Variants in RASEF observed in about 807,000 individuals in gnomAD.
RASEF encodes ras and EF-hand domain-containing protein.
Under a neutral mutation model 90.1 loss-of-function variants are expected in RASEF, and 68 were observed. The ratio of observed to expected loss-of-function variants is 0.75; its 90% confidence interval spans 0.62 to 0.92. The LOEUF (loss-of-function observed/expected upper bound fraction) is 0.92, where lower values mean the gene tolerates loss of function less well. RASEF is among the 40% of genes least tolerant of loss of function. The pLI is 0.00. For synonymous variants in RASEF, 331 were observed against 345.2 expected, an observed-to-expected ratio of 0.96 and a Z score of 0.46; for missense variants, 949 against 937.2, an observed-to-expected ratio of 1.01 and a Z score of -0.16.
chr9:83,094,842 T>A, the RASEF span, among the ~76,000 whole-genome samples: 3 of 152,224 alleles, frequency 2.0e-5, no homozygotes, highest in Non-Finnish European at 2.9e-5. Flanking sequence ...TAATTAACAT[T>A]ACTTACAGGA....
chr9:83,131,125 C>T, the RASEF span, among the ~76,000 whole-genome samples: 5 of 152,108 alleles, frequency 3.3e-5, no homozygotes, highest in African/African-American at 4.8e-5. Flanking sequence ...GACCCTAGGG[C>T]GTTTCTTCAA....
At chr9:83,080,475 G>A in the RASEF span, among the ~76,000 whole-genome samples, 18 of 152,164 alleles carry the variant, frequency 1.2e-4, no homozygotes, top group African/African-American at 9.7e-5. Flanking sequence ...TATCAAAGAT[G>A]GCCTGGGTTA....
intron 4 of RASEF, among the ~76,000 whole-genome samples, chr9:83,015,547 G>A (rs1327214869): frequency 6.6e-6 from 1 of 152,146 alleles, no homozygotes; most frequent in Non-Finnish European, 1.5e-5. Context: ...GGGCATGGTG[G>A]TGCATGCCTA....
Position 82,997,067 on chromosome 9 carries a change from T to C in RASEF, c.1865A>G (p.Asp622Gly). Residue 622 changes from aspartate to glycine, a missense_variant, in exon 14 of 17, where the codon GAT becomes GGT. By Grantham distance (94) the Asp-to-Gly change is moderately conservative (BLOSUM62 -1). This residue lies in a region of RASEF where 288 missense variants were observed against 328.4 expected (regional missense o/e 0.88). Coordinates refer to ENST00000376447, the MANE Select transcript of RASEF (RefSeq NM_152573.4). Reference sequence around the variant, plus strand: ...AAGAAAGCTTTTCTCACATGTAACATCATACAGCAGCAAAACACCATCTGC... The same window carrying C: ...AAGAAAGCTTTTCTCACATGTAACACCATACAGCAGCAAAACACCATCTGC... ...RKADGVLLLY[D>G]VTCEKSFLNI... is the part of the protein sequence containing the mutation. The C allele has an allele frequency of 1.2e-6, 2 of 1,613,674 alleles. No individual in the cohort carries two copies. The highest frequency in any genetic ancestry group is 1.7e-6 in the Non-Finnish European group (2 of 1,179,602).
chr9:83,162,423 T>G, the RASEF span, among the ~76,000 whole-genome samples: 5 of 152,210 alleles, frequency 3.3e-5, no homozygotes, highest in African/African-American at 4.8e-5. Flanking sequence ...ACTATAATTT[T>G]TGTCCTTTAT....
chr9:83,047,840 A>T (rs1286957296), intron 1 of RASEF, among the ~76,000 whole-genome samples: 1 of 152,246 alleles, frequency 6.6e-6, no homozygotes, highest in Non-Finnish European at 1.5e-5. Flanking sequence ...ACATGCTCGA[A>T]TCAACAGGGA....
the RASEF span, among the ~76,000 whole-genome samples, chr9:83,183,895 T>A: frequency 1.3e-5 from 2 of 152,342 alleles, no homozygotes; most frequent in South Asian, 4.1e-4. Flanking sequence ...TTTCCTCATA[T>A]AGCAGCATGT....
chr9:82,982,823 G>T, intron 16 of RASEF, 41 bp from the exon 17 acceptor site: 1 of 1,146,586 alleles, frequency 8.7e-7, no homozygotes, highest in South Asian at 1.2e-5. Context: ...GAGAGAGAGA[G>T]AGAGAGAGAG....
Position 83,062,568 on chromosome 9 carries a change from G to C in RASEF, c.300C>G (p.His100Gln), listed in dbSNP as rs544330246. Residue 100 changes from histidine to glutamine, a missense_variant, in exon 1 of 17, where the codon CAC becomes CAG. By Grantham distance (24) the His-to-Gln change is conservative (BLOSUM62 0). Transcript: ENST00000376447. ...PAVSEAGPET[H>Q]DSEEDEGDED... ...CGTCGCCTTCGTCCTCCTCGCTGTC[G>C]TGTGTCTCCGGCCCCGCCTCAGACA... 15 of 1,590,548 alleles carry C rather than the reference G, an allele frequency of 9.4e-6. No individual in the cohort carries two copies. The highest frequency in any genetic ancestry group is 1.1e-5 in the Non-Finnish European group (13 of 1,168,050).
rs773313701 is a variant in RASEF, at chr9:83,004,529, C to G, written c.1171G>C (p.Gly391Arg). 6.2e-7 allele frequency: 1 copy of G among 1,603,562 alleles called. No homozygotes were observed. Among genetic ancestry groups the G allele is most frequent in the East Asian group, 2.2e-5 (1 of 44,744 alleles). The change falls in exon 9 of 17, where the codon GGT becomes CGT. Residue 391 changes from glycine (G) to arginine (R), a missense_variant. Coordinates refer to ENST00000376447, the MANE Select transcript of RASEF (RefSeq NM_152573.4). ...TAGCCTAGAGGTTGAGGGGAATGAC[C>G]AATGAATTTGGGACTGCTTCTAGAA... ...TISRSSPKFI[G>R]HSPQPLGYDR...
At chr9:83,122,918 A>G in the RASEF span, among the ~76,000 whole-genome samples, 1 of 152,146 alleles carries the variant, frequency 6.6e-6, no homozygotes, top group African/African-American at 2.4e-5. Flanking sequence ...CTCTATCTGA[A>G]TGGGGTGAGG....
the RASEF span, among the ~76,000 whole-genome samples, chr9:83,164,781 C>G: frequency 9.0e-3 from 1,368 of 151,826 alleles, 14 homozygotes; most frequent in Non-Finnish European, 0.014. Context: ...TATAAAGATG[C>G]AAATTGATTA....
At chr9:83,209,055 A>G in the RASEF span, among the ~76,000 whole-genome samples, 1 of 152,238 alleles carries the variant, frequency 6.6e-6, no homozygotes, top group Non-Finnish European at 1.5e-5. Context: ...TCAGTTGGGC[A>G]GCAATTTCTC....
upstream of RASEF, among the ~76,000 whole-genome samples, chr9:83,067,263 CT>C (rs774157738): frequency 3.9e-5 from 6 of 152,130 alleles, no homozygotes; most frequent in African/African-American, 7.2e-5. Flanking sequence ...CAGGAACACT[CT>C]GAAACATACA....
chr9:83,077,404 G>T, the RASEF span, among the ~76,000 whole-genome samples: 1 of 152,034 alleles, frequency 6.6e-6, no homozygotes, highest in Non-Finnish European at 1.5e-5. Flanking sequence ...TATTAGAATC[G>T]GTCATTAAAT....
intron 4 of RASEF, among the ~76,000 whole-genome samples, chr9:83,014,745 G>T (rs1312191939): frequency 6.6e-6 from 1 of 152,202 alleles, no homozygotes; most frequent in Non-Finnish European, 1.5e-5. Context: ...ACCAGCAGGT[G>T]AGAGTCTGCT....
At chr9:83,176,783 G>A in the RASEF span, among the ~76,000 whole-genome samples, 9 of 151,578 alleles carry the variant, frequency 5.9e-5, no homozygotes, top group African/African-American at 2.2e-4. Context: ...TCCCTTTTTT[G>A]TGCTATTATC....
the RASEF span, among the ~76,000 whole-genome samples, chr9:83,210,058 T>C: frequency 6.6e-6 from 1 of 152,252 alleles, no homozygotes; most frequent in Non-Finnish European, 1.5e-5. Flanking sequence ...ACATCATGTC[T>C]GTTCTGGAAG....
the RASEF span, among the ~76,000 whole-genome samples, chr9:83,135,483 T>TA: frequency 1.3e-5 from 2 of 152,056 alleles, no homozygotes. Flanking sequence ...CCCTAGAACT[T>TA]AAAGTATAAT....
Sources: allele counts gnomAD v4.1 joint callset (sites outside exome capture counted in the v4.1 genomes callset), GRCh38; gene constraint gnomAD v4.1.1; regional missense constraint gnomAD v4.1.1; transcripts MANE v1.5; gene names NCBI Gene and HGNC (gene_info 2026-07-23, HGNC 2026-07-21).